The following SMIM36 variants were observed in gnomAD, a reference collection of about 807,000 sequenced individuals.
SMIM36 encodes small integral membrane protein 36.
intron 4 of SMIM36, among the ~76,000 whole-genome samples, chr17:55,457,169 G>A (rs1909038888): frequency 6.6e-6 from 1 of 152,018 alleles, no homozygotes; most frequent in Non-Finnish European, 1.5e-5. Flanking sequence ...ATATAAATGG[G>A]CCAGTTGTGG....
chr17:55,475,397 C>T (rs937143369), intron 3 of SMIM36, among the ~76,000 whole-genome samples: 2 of 152,110 alleles, frequency 1.3e-5, no homozygotes, highest in African/African-American at 2.4e-5. Context: ...TTCTCATTCC[C>T]GTTCTTATGC....
At chr17:55,475,671 A>G (rs1010212798) in intron 3 of SMIM36, among the ~76,000 whole-genome samples, 80 of 152,362 alleles carry the variant, frequency 5.3e-4, no homozygotes, top group African/African-American at 1.9e-3. Flanking sequence ...AAACTCGCCA[A>G]CCAAGCAAAT....
chr17:55,499,154 A>G (rs1171022489), intron 1 of SMIM36, among the ~76,000 whole-genome samples: 1 of 152,078 alleles, frequency 6.6e-6, no homozygotes, highest in Non-Finnish European at 1.5e-5. Flanking sequence ...ATATTAGGAG[A>G]TGTTCCAGCC....
At chr17:55,473,036 G>A (rs1344709512) in intron 3 of SMIM36, among the ~76,000 whole-genome samples, 1 of 151,942 alleles carries the variant, frequency 6.6e-6, no homozygotes, top group Admixed American at 6.6e-5. Context: ...CTGAAAACCT[G>A]CTCTACCAGT....
the SMIM36 span, among the ~76,000 whole-genome samples, chr17:55,516,554 C>CT: frequency 0.01 from 1,018 of 98,482 alleles, 6 homozygotes; most frequent in Admixed American, 0.019. Context: ...AACAGTCTTC[C>CT]TTTTTTTTTT....
In SMIM36 at chr17:55,500,819, A is replaced by ATAAAATATAATATAT. The variant is rs1555622409; in HGVS notation, c.*174+10059_*174+10060insATATATTATATTTTA. Among the ~76,000 whole-genome samples, 8 of 32,274 alleles carry ATAAAATATAATATAT rather than the reference A, an allele frequency of 2.5e-4. 4 individuals are homozygous for ATAAAATATAATATAT. Among genetic ancestry groups the ATAAAATATAATATAT allele is most frequent in the African/African-American group, 7.1e-4 (8 of 11,196 alleles). 21.2% of individuals were successfully genotyped at this position (32,274 alleles called of 152,430 possible). ...ATTTTATAATATATTATAATATATT[A>ATAAAATATAATATAT]TATTTTATAATATATATTATAATAT... On this transcript the variant is annotated intron_variant, in intron 1 of 4. Transcript: ENST00000636752.
intron 2 of SMIM36, 93 bp from the exon 3 acceptor site, chr17:55,478,906 C>T (rs1386662062): frequency 6.6e-6 from 1 of 152,154 alleles, no homozygotes; most frequent in Non-Finnish European, 1.5e-5. Flanking sequence ...AATTTTGAAT[C>T]TGGGAAAGGA....
upstream of SMIM36, among the ~76,000 whole-genome samples, chr17:55,514,478 C>T (rs1910233157): frequency 6.6e-6 from 1 of 152,160 alleles, no homozygotes; most frequent in South Asian, 2.1e-4. Context: ...GAATTATCAA[C>T]CCAATTTTTT....
upstream of SMIM36, among the ~76,000 whole-genome samples, chr17:55,514,521 G>T (rs1910233807): frequency 1.3e-5 from 2 of 152,236 alleles, no homozygotes; most frequent in Admixed American, 1.3e-4. Flanking sequence ...AAGAGGCAGT[G>T]GAATTGAATG....
chr17:55,507,679 GTAAC>G (rs1910100313), intron 1 of SMIM36, among the ~76,000 whole-genome samples: 1 of 145,218 alleles, frequency 6.9e-6, no homozygotes, highest in Middle Eastern at 3.5e-3. Flanking sequence ...GTATACATAT[GTAAC>G]TAACCTGCAC....
chr17:55,477,279 T>C (rs979523579), intron 3 of SMIM36: 5 of 152,216 alleles, frequency 3.3e-5, no homozygotes, highest in African/African-American at 1.2e-4. Flanking sequence ...ATGAAGGTAA[T>C]GGCAGAGTCA....
intron 1 of SMIM36, among the ~76,000 whole-genome samples, chr17:55,499,270 T>A (rs1272830382): frequency 1.3e-5 from 2 of 152,136 alleles, no homozygotes; most frequent in Non-Finnish European, 2.9e-5. Context: ...TTCCTAGGCA[T>A]GCAATTCTAG....
chr17:55,522,299 A>T, the SMIM36 span, among the ~76,000 whole-genome samples: 1 of 152,204 alleles, frequency 6.6e-6, no homozygotes, highest in African/African-American at 2.4e-5. Context: ...TCATTGCTCA[A>T]CTATGACTTT....
the SMIM36 span, among the ~76,000 whole-genome samples, chr17:55,527,548 C>G: frequency 3.3e-5 from 5 of 152,258 alleles, no homozygotes; most frequent in East Asian, 7.7e-4. Flanking sequence ...CTAAAGTGAC[C>G]TGTCAGGGAA....
intron 4 of SMIM36, among the ~76,000 whole-genome samples, chr17:55,458,807 C>T (rs982825880): frequency 1.3e-5 from 2 of 152,142 alleles, no homozygotes; most frequent in Admixed American, 1.3e-4. Context: ...GACTACCTCC[C>T]TTGTGGATCC....
chr17:55,454,908 ATAATT>A (rs1282907368), intron 4 of SMIM36, among the ~76,000 whole-genome samples: 1 of 152,204 alleles, frequency 6.6e-6, no homozygotes, highest in Non-Finnish European at 1.5e-5. Context: ...AAGAGATACC[ATAATT>A]TAATGTATTC....
intron 1 of SMIM36, among the ~76,000 whole-genome samples, chr17:55,500,227 C>T (rs933363150): frequency 1.3e-5 from 2 of 151,938 alleles, no homozygotes; most frequent in African/African-American, 2.4e-5. Context: ...TTGGCTCAAG[C>T]GATCTTTCTG....
At chr17:55,522,062 A>G in the SMIM36 span, among the ~76,000 whole-genome samples, 36 of 152,292 alleles carry the variant, frequency 2.4e-4, no homozygotes, top group African/African-American at 8.7e-4. Context: ...AAAAGCCAGC[A>G]TTCTTACACG....
At position 55,507,683 on chromosome 17, in the gene SMIM36, C is replaced by G. The variant is rs552626214; in HGVS notation, c.*174+3196G>C. Among the ~76,000 whole-genome samples, 942 of 141,232 alleles carry G rather than the reference C, an allele frequency of 6.7e-3. 13 individuals carry two copies. Among genetic ancestry groups the G allele is most frequent in the African/African-American group, 0.024 (886 of 37,284 alleles). The allele number at this position is 141,232 out of a possible 152,430, so 92.7% of individuals were successfully genotyped here. On this transcript the variant is annotated intron_variant, in intron 1 of 4. Transcript: ENST00000636752. ...GCATGGCACATGTATACATATGTAA[C>G]TAACCTGCACAATGTGCACATGTAC...
Sources: gnomAD v4.1 joint callset for allele counts (sites outside exome capture counted in the v4.1 genomes callset) on GRCh38, gnomAD v4.1.1 for gene constraint, MANE v1.5 for transcripts, NCBI Gene and HGNC (gene_info 2026-07-23, HGNC 2026-07-21) for gene names.